IQSEC1: variants seen among roughly 807,000 people sequenced by gnomAD.
IQSEC1 encodes IQ motif and Sec7 domain ArfGEF 1, also known as IQ motif and SEC7 domain-containing protein 1.
Under a neutral mutation model 91.0 loss-of-function variants are expected in IQSEC1, and 31 were observed. The observed-to-expected ratio is 0.34, with a 90% confidence interval of 0.26 to 0.46. The LOEUF is 0.46. IQSEC1 is among the 20% of genes least tolerant of loss of function. The pLI is 1.00. For missense variants in IQSEC1, 1,388 were observed against 1,575.6 expected (o/e 0.88, Z 2.02); for synonymous variants, 699 against 662.6 (o/e 1.05, Z -0.84).
At chr3:13,166,922 A>G (rs1305447161) in intron 1 of IQSEC1, among the ~76,000 whole-genome samples, 2 of 152,262 alleles carry the variant, frequency 1.3e-5, no homozygotes, top group South Asian at 4.1e-4. Context: ...AGCCCCTGGC[A>G]TAACATCGCC....
chr3:13,191,848 T>A (rs1428859017), intron 1 of IQSEC1, among the ~76,000 whole-genome samples: 1 of 152,248 alleles, frequency 6.6e-6, no homozygotes, highest in East Asian at 1.9e-4. Flanking sequence ...CCTGGCTCAC[T>A]GGTCCTTCTT....
chr3:13,082,239 G>A (rs150022618), intron 2 of IQSEC1, among the ~76,000 whole-genome samples: 8 of 152,326 alleles, frequency 5.3e-5, no homozygotes, highest in Admixed American at 2.6e-4. Context: ...ATGATCTAAT[G>A]TGTGCAGGTG....
chr3:12,929,092 G>A (rs1484150345), intron 3 of IQSEC1, among the ~76,000 whole-genome samples: 1 of 152,200 alleles, frequency 6.6e-6, no homozygotes, highest in Non-Finnish European at 1.5e-5. Flanking sequence ...GGGCATGGCT[G>A]GGAGAGTCAG....
chr3:13,253,303 C>T (rs1234216717), intron 1 of IQSEC1, among the ~76,000 whole-genome samples: 5 of 152,148 alleles, frequency 3.3e-5, no homozygotes, highest in African/African-American at 7.2e-5. Flanking sequence ...GTGGCAGAGC[C>T]GGGATCTGAA....
At chr3:13,075,725 C>T (rs1576239067), upstream of IQSEC1, among the ~76,000 whole-genome samples, 1 of 152,232 alleles carries the variant, frequency 6.6e-6, no homozygotes, top group East Asian at 1.9e-4. Context: ...TTACAGGGCA[C>T]GTGGGTAGTG....
At chr3:12,917,502 C>T (rs1388127404) in intron 6 of IQSEC1, among the ~76,000 whole-genome samples, 3 of 152,262 alleles carry the variant, frequency 2.0e-5, no homozygotes, top group Non-Finnish European at 1.5e-5. Flanking sequence ...TAGCACGCAG[C>T]CTGTTCAGAC....
chr3:13,038,258 G>GTATATATA lies in IQSEC1; in HGVS notation c.23+34733_23+34734insTATATATA, dbSNP rs1354129185. 8.5e-3 allele frequency among the ~76,000 whole-genome samples: 435 copies of GTATATATA among 51,012 alleles called. 1 individual carries two copies. The highest frequency in any genetic ancestry group is 0.014 in the Non-Finnish European group (369 of 27,010). The allele number at this position is 51,012 out of a possible 152,430, so 33.5% of individuals were successfully genotyped here. On this transcript the variant is annotated intron_variant, in intron 1 of 13. Coordinates refer to ENST00000613206, the MANE Select transcript of IQSEC1 (RefSeq NM_001134382.3). ...TATACAAGTATATATATGTGTGTGT[G>GTATATATA]TGTGTATATATATATATATATATAT... is the stretch of plus-strand genomic sequence containing the variant.
At chr3:13,088,237 G>A (rs62232940) in intron 2 of IQSEC1, among the ~76,000 whole-genome samples, 4,852 of 152,310 alleles carry the variant, frequency 0.032, 81 homozygotes, top group Non-Finnish European at 0.036. Context: ...AGTGGGTGGC[G>A]AAGGAACAGA....
At chr3:13,073,538 C>A (rs1229805113), upstream of IQSEC1, among the ~76,000 whole-genome samples, 1 of 152,054 alleles carries the variant, frequency 6.6e-6, no homozygotes, top group East Asian at 1.9e-4. Context: ...ATGGCAACAG[C>A]AGCATCAGGC....
intron 6 of IQSEC1, 21 bp downstream of exon 6, chr3:12,920,409 C>T (rs1335147240): frequency 9.3e-6 from 15 of 1,608,726 alleles, no homozygotes; most frequent in Admixed American, 8.3e-5. Context: ...TGTGGCTGGC[C>T]GACCGCCTGA....
In IQSEC1 at chr3:12,900,281, G is replaced by C; in HGVS notation, c.*702C>G. The stretch of plus-strand genomic sequence containing the variant: ...CAGTCCTAGAGGGACTTCTTTGTAT[G>C]AAAATATGAAGTATCTGAATTTGTT... On this transcript the variant is annotated 3_prime_UTR_variant, in exon 14 of 14. Coordinates refer to ENST00000613206, the MANE Select transcript of IQSEC1 (RefSeq NM_001134382.3). 1 of 984,834 alleles carries C rather than the reference G, an allele frequency of 1.0e-6. No individual in the cohort carries two copies. The highest frequency in any genetic ancestry group is 1.2e-6 in the Non-Finnish European group (1 of 829,518). The allele number at this position is 984,834 out of a possible 1,614,324, so 61.0% of individuals were successfully genotyped here.
At chr3:12,938,027 G>A (rs1046602196) in intron 2 of IQSEC1, among the ~76,000 whole-genome samples, 53 of 152,228 alleles carry the variant, frequency 3.5e-4, no homozygotes, top group Admixed American at 3.1e-3. Flanking sequence ...ACCAAGGACG[G>A]TCCTGAGGGC....
At chr3:12,962,733 T>G (rs1343308664) in intron 1 of IQSEC1, among the ~76,000 whole-genome samples, 1 of 152,208 alleles carries the variant, frequency 6.6e-6, no homozygotes, top group Admixed American at 6.5e-5. Flanking sequence ...ACAAGCATGC[T>G]ACCCTCAAGA....
At chr3:13,136,669 G>T (rs954111896) in intron 2 of IQSEC1, among the ~76,000 whole-genome samples, 1 of 152,206 alleles carries the variant, frequency 6.6e-6, no homozygotes, top group East Asian at 1.9e-4. Flanking sequence ...GCAAGGATGC[G>T]CCACCTCCCG....
rs531436841 is a variant in IQSEC1, at chr3:13,161,849, G to T, written c.302+2255C>A. Among the ~76,000 whole-genome samples the T allele has an allele frequency of 3.3e-5, 5 of 152,134 alleles. No homozygotes were observed. The South Asian group carries it at 1.0e-3, about 32-fold the overall frequency. On this transcript the variant is annotated intron_variant, in intron 2 of 15. Coordinates refer to the IQSEC1 transcript ENST00000648114. ...CACCCTGCTGGGAGCTGTGTGGCTC[G>T]GAGCTGGGACATATGCTCGGCTCTG... is the stretch of plus-strand genomic sequence containing the variant.
At chr3:12,974,279 C>A (rs1289202269) in intron 1 of IQSEC1, among the ~76,000 whole-genome samples, 1 of 152,192 alleles carries the variant, frequency 6.6e-6, no homozygotes, top group Non-Finnish European at 1.5e-5. Context: ...CCTCCAAGCC[C>A]GGATCCCCAG....
chr3:12,921,100 G>C (rs1311223444), intron 5 of IQSEC1, among the ~76,000 whole-genome samples: 1 of 152,114 alleles, frequency 6.6e-6, no homozygotes, highest in Non-Finnish European at 1.5e-5. Flanking sequence ...ACCGACTGCT[G>C]CAAGAACACC....
chr3:12,915,559 C>G (rs1426274572), intron 7 of IQSEC1, 35 bp downstream of exon 7: 8 of 1,604,688 alleles, frequency 5.0e-6, no homozygotes, highest in South Asian at 1.1e-5. Context: ...CCGGGTGGTG[C>G]TGGGGCCCAC....
At chr3:13,003,857 G>C (rs1336461388) in intron 1 of IQSEC1, among the ~76,000 whole-genome samples, 2 of 152,204 alleles carry the variant, frequency 1.3e-5, no homozygotes, top group Non-Finnish European at 2.9e-5. Context: ...TTATGTACTG[G>C]AGCAGTATTT....
Sources: allele counts gnomAD v4.1 joint callset (sites outside exome capture counted in the v4.1 genomes callset), GRCh38; gene constraint gnomAD v4.1.1; transcripts MANE v1.5; gene names NCBI Gene and HGNC (gene_info 2026-07-23, HGNC 2026-07-21).